The following PRKCB variants were observed in gnomAD, a reference collection of about 807,000 sequenced individuals.
The protein encoded by PRKCB is protein kinase C beta.
Under a neutral mutation model 81.5 loss-of-function variants are expected in PRKCB, and 13 were observed. The observed-to-expected ratio is 0.16, with a 90% CI of 0.10 to 0.25. PRKCB has a LOEUF of 0.25. Ranked by LOEUF, PRKCB falls within the 10% of genes least tolerant of loss-of-function variation. The probability of loss-of-function intolerance (pLI) is 1.00; values close to 1 mark genes in which losing one functional copy is unlikely to be tolerated. For missense variants in PRKCB, 509 were observed against 875.7 expected, an observed-to-expected ratio of 0.58 and a Z score of 5.29; for synonymous variants, 335 against 321.4, an observed-to-expected ratio of 1.04 and a Z score of -0.45.
Position 24,049,094 on chromosome 16 carries a change from C to A in PRKCB, c.529+13547C>A, listed in dbSNP as rs530104282. Among the ~76,000 whole-genome samples the A allele has an allele frequency of 1.2e-4, 13 of 104,440 alleles. No homozygotes were observed. The South Asian group carries it at 4.4e-3, about 35-fold the overall frequency. The allele number at this position is 104,440 out of a possible 152,430, so 68.5% of individuals were successfully genotyped here. ...TTTTTTTTTGCAGAAAGACAGATTTCACTGGCCAAGATCTGCCCAAGAGGC... is the reference window on the plus strand; with the variant it reads ...TTTTTTTTTGCAGAAAGACAGATTTAACTGGCCAAGATCTGCCCAAGAGGC... On this transcript the variant is annotated intron_variant, in intron 5 of 16. Coordinates refer to ENST00000643927, the MANE Select transcript of PRKCB (RefSeq NM_002738.7).
At chr16:23,843,833 A>C (rs1962312540) in intron 2 of PRKCB, among the ~76,000 whole-genome samples, 1 of 147,748 alleles carries the variant, frequency 6.8e-6, no homozygotes, top group African/African-American at 2.5e-5. Context: ...GATACAGAAG[A>C]AGGCAATTGG....
chr16:24,204,859 TG>T (rs1968019349), intron 16 of PRKCB, among the ~76,000 whole-genome samples: 2 of 152,156 alleles, frequency 1.3e-5, no homozygotes, highest in South Asian at 2.1e-4. Context: ...CAGAGGCTCA[TG>T]CCTGTAATCC....
intron 2 of PRKCB, among the ~76,000 whole-genome samples, chr16:23,915,177 A>G (rs550112868): frequency 6.6e-6 from 1 of 152,300 alleles, no homozygotes; most frequent in Non-Finnish European, 1.5e-5. Flanking sequence ...AATACACATT[A>G]CTGTTTACAT....
At chr16:23,873,187 CACA>C (rs1365415527) in intron 2 of PRKCB, among the ~76,000 whole-genome samples, 42 of 77,034 alleles carry the variant, frequency 5.5e-4, no homozygotes, top group African/African-American at 1.5e-3. Flanking sequence ...CACACACACA[CACA>C]AAAAAAAAAA....
chr16:24,091,218 G>A (rs1966373392), intron 5 of PRKCB, among the ~76,000 whole-genome samples: 1 of 152,132 alleles, frequency 6.6e-6, no homozygotes, highest in South Asian at 2.1e-4. Flanking sequence ...ATTCTCTGCT[G>A]TTTCTAGATA....
chr16:23,959,485 T>C (rs1466388675), intron 2 of PRKCB, among the ~76,000 whole-genome samples: 1 of 152,196 alleles, frequency 6.6e-6, no homozygotes, highest in Non-Finnish European at 1.5e-5. Context: ...TTGTTTCCCA[T>C]AGTGGGAGTG....
chr16:24,053,546 C>T (rs904544380), intron 5 of PRKCB, among the ~76,000 whole-genome samples: 1 of 152,034 alleles, frequency 6.6e-6, no homozygotes, highest in Non-Finnish European at 1.5e-5. Flanking sequence ...AAAATACGAA[C>T]AGTAAGCTAA....
At chr16:24,157,275 G>A (rs1361074931) in intron 10 of PRKCB, among the ~76,000 whole-genome samples, 4 of 152,078 alleles carry the variant, frequency 2.6e-5, no homozygotes, top group African/African-American at 9.7e-5. Flanking sequence ...ACATGATTTG[G>A]CTGTGTCCCC....
intron 2 of PRKCB, among the ~76,000 whole-genome samples, chr16:23,924,760 G>A (rs1963874298): frequency 6.6e-6 from 1 of 151,898 alleles, no homozygotes; most frequent in South Asian, 2.1e-4. Flanking sequence ...TTCTCACTAC[G>A]AAAAAATGCA....
At chr16:24,078,795 AG>A (rs1382070173) in intron 5 of PRKCB, among the ~76,000 whole-genome samples, 1 of 152,198 alleles carries the variant, frequency 6.6e-6, no homozygotes, top group African/African-American at 2.4e-5. Context: ...GTGGAGTCAG[AG>A]TAAGTGTGGA....
intron 2 of PRKCB, among the ~76,000 whole-genome samples, chr16:23,860,023 T>G (rs1962638258): frequency 6.6e-6 from 1 of 152,034 alleles, no homozygotes; most frequent in Admixed American, 6.6e-5. Context: ...AGTTGAGAAA[T>G]CTTGCTTGGT....
intron 2 of PRKCB, among the ~76,000 whole-genome samples, chr16:23,929,589 C>T (rs1446732782): frequency 1.3e-5 from 2 of 152,096 alleles, no homozygotes; most frequent in East Asian, 1.9e-4. Context: ...ATACTTTCTA[C>T]GTAATCATAC....
At chr16:23,938,847 C>T (rs1011179130) in intron 2 of PRKCB, among the ~76,000 whole-genome samples, 1 of 152,094 alleles carries the variant, frequency 6.6e-6, no homozygotes, top group Admixed American at 6.6e-5. Context: ...GCTGTATGTT[C>T]CTGTTGGTCC....
intron 8 of PRKCB, among the ~76,000 whole-genome samples, chr16:24,123,473 G>A (rs999109294): frequency 2.0e-5 from 3 of 152,196 alleles, no homozygotes; most frequent in African/African-American, 7.2e-5. Flanking sequence ...TTGGTTGGAT[G>A]AGAGGCTCAC....
At chr16:23,900,370 C>A (rs1365176628) in intron 2 of PRKCB, among the ~76,000 whole-genome samples, 1 of 151,894 alleles carries the variant, frequency 6.6e-6, no homozygotes, top group East Asian at 1.9e-4. Context: ...CCTTTATCTT[C>A]CTTTCCTAGG....
intron 2 of PRKCB, among the ~76,000 whole-genome samples, chr16:23,900,718 GTTTTTTTTTTTTT>G (rs56897816): frequency 2.7e-4 from 17 of 62,266 alleles, no homozygotes; most frequent in African/African-American, 1.1e-3. Flanking sequence ...AGCTGCACAG[GTTTTTTTTTTTTT>G]TTTTTTTTTT....
intron 9 of PRKCB, among the ~76,000 whole-genome samples, chr16:24,133,395 G>A (rs1966856415): frequency 6.6e-6 from 1 of 152,050 alleles, no homozygotes; most frequent in African/African-American, 2.4e-5. Context: ...TGAGTCATCC[G>A]CAGGGATTCC....
intron 2 of PRKCB, among the ~76,000 whole-genome samples, chr16:23,886,672 C>T (rs140628004): frequency 3.3e-5 from 5 of 152,182 alleles, no homozygotes; most frequent in Admixed American, 6.5e-5. Flanking sequence ...CTTGGCCTCC[C>T]GAAGTGCTGG....
chr16:24,046,727 C>G (rs746000802), intron 5 of PRKCB, among the ~76,000 whole-genome samples: 1 of 152,090 alleles, frequency 6.6e-6, no homozygotes, highest in Non-Finnish European at 1.5e-5. Context: ...GGAGGAAAGG[C>G]AGGGACAGCC....
Sources: allele counts gnomAD v4.1 joint callset (sites outside exome capture counted in the v4.1 genomes callset), GRCh38; gene constraint gnomAD v4.1.1; transcripts MANE v1.5; gene names NCBI Gene and HGNC (gene_info 2026-07-23, HGNC 2026-07-21).